Variants in ERICH3 observed in about 807,000 individuals in gnomAD.
ERICH3 encodes glutamate rich 3, also known as glutamate-rich protein 3.
ERICH3 carries 126 observed loss-of-function variants against 131.1 expected under a neutral mutation model. The ratio of observed to expected loss-of-function variants is 0.96; its 90% CI spans 0.83 to 1.11. The LOEUF (loss-of-function observed/expected upper bound fraction) is 1.11, where lower values mean the gene tolerates loss of function less well. ERICH3 is among the 50% of genes most tolerant of loss of function. ERICH3 has a pLI of 0.00. For synonymous variants in ERICH3, 695 were observed against 644.6 expected, an observed-to-expected ratio of 1.08 and a Z score of -1.18; for missense variants, 2,050 against 1,810.7, an observed-to-expected ratio of 1.13 and a Z score of -2.40.
At chr1:74,573,591 T>G in intron 13 of ERICH3, 100 bp from the exon 14 acceptor site, 2 of 1,279,718 alleles carry the variant, frequency 1.6e-6, no homozygotes, top group Non-Finnish European at 2.0e-6. Flanking sequence ...TGTGAGATAT[T>G]TATATGTGAT....
At chr1:74,585,651 A>G (rs537707306) in intron 12 of ERICH3, among the ~76,000 whole-genome samples, 2 of 152,262 alleles carry the variant, frequency 1.3e-5, no homozygotes, top group East Asian at 1.9e-4. Context: ...TTCTAACTGA[A>G]AAATAATTAA....
chr1:74,616,106 A>G (rs1319205938), intron 8 of ERICH3, among the ~76,000 whole-genome samples: 1 of 152,054 alleles, frequency 6.6e-6, no homozygotes, highest in Non-Finnish European at 1.5e-5. Flanking sequence ...GGTTCAAGCT[A>G]TTCTCGTGCC....
intron 6 of ERICH3, among the ~76,000 whole-genome samples, chr1:74,632,828 A>C (rs913978333): frequency 6.6e-6 from 1 of 151,986 alleles, no homozygotes; most frequent in Non-Finnish European, 1.5e-5. Flanking sequence ...GGCTACCTTT[A>C]GGGATATACC....
At chr1:74,616,860 G>C (rs1034680716) in intron 8 of ERICH3, among the ~76,000 whole-genome samples, 1 of 152,138 alleles carries the variant, frequency 6.6e-6, no homozygotes, top group Admixed American at 6.5e-5. Context: ...GCCAAGGAAG[G>C]CCAGTTGACA....
intron 12 of ERICH3, among the ~76,000 whole-genome samples, chr1:74,578,930 G>T (rs1040499469): frequency 6.6e-6 from 1 of 151,960 alleles, no homozygotes; most frequent in African/African-American, 2.4e-5. Flanking sequence ...ACGACAAACA[G>T]AAATGAAAAA....
intron 1 of ERICH3, among the ~76,000 whole-genome samples, chr1:74,665,401 AT>A: frequency 6.6e-6 from 1 of 151,746 alleles, no homozygotes; most frequent in South Asian, 2.1e-4. Context: ...TATGTTATCA[AT>A]CAATCAATCA....
At position 74,634,273 on chromosome 1, in the gene ERICH3, C is replaced by T. The variant is rs1405411804; in HGVS notation, c.603+2007G>A. Reference sequence around the variant, plus strand: ...TTACACTATAAGCTCCAATAAGTTACTTTTGTCTGTCTTGATGCCTAAAGC... The same window carrying T: ...TTACACTATAAGCTCCAATAAGTTATTTTTGTCTGTCTTGATGCCTAAAGC... On this transcript the variant is annotated intron_variant, in intron 6 of 14. Transcript: ENST00000326665. Among the ~76,000 whole-genome samples the T allele has an allele frequency of 2.0e-5, 3 of 152,052 alleles. No individual in the cohort carries two copies. The South Asian group carries it at 6.2e-4, about 31-fold the overall frequency.
intron 9 of ERICH3, among the ~76,000 whole-genome samples, chr1:74,610,895 C>T (rs756941884): frequency 7.9e-5 from 12 of 151,998 alleles, no homozygotes; most frequent in African/African-American, 2.2e-4. Flanking sequence ...CTTAATCATG[C>T]CCTTATTCCT....
intron 11 of ERICH3, among the ~76,000 whole-genome samples, chr1:74,594,273 CGTGTGTGT>C (rs10655150): frequency 1.7e-4 from 24 of 144,786 alleles, no homozygotes; most frequent in African/African-American, 4.3e-4. Flanking sequence ...AAAAATGGGG[CGTGTGTGT>C]GTGTGTGTGT....
chr1:74,614,690 A>C (rs545691611), intron 8 of ERICH3, among the ~76,000 whole-genome samples: 12 of 152,024 alleles, frequency 7.9e-5, no homozygotes, highest in African/African-American at 2.9e-4. Flanking sequence ...AAAAAAAAAA[A>C]AACTCTACAC....
intron 4 of ERICH3, among the ~76,000 whole-genome samples, chr1:74,642,156 C>T (rs1376263817): frequency 1.3e-5 from 2 of 152,156 alleles, no homozygotes; most frequent in Non-Finnish European, 2.9e-5. Context: ...AATCTCTACA[C>T]ACCAACTCTT....
chr1:74,592,574 T>C lies in ERICH3; in HGVS notation c.1727-2494A>G, dbSNP rs573783814. On this transcript the variant is annotated intron_variant, in intron 11 of 14. Transcript: ENST00000326665. ...CTTTTAGCTCTGAGAGTTGGTCATA[T>C]AATTTTTAAAAATGAGTGCTCCTCT... is the stretch of plus-strand genomic sequence containing the variant. 2.4e-4 allele frequency among the ~76,000 whole-genome samples: 37 copies of C among 152,310 alleles called. 1 individual carries two copies. In the South Asian group the frequency reaches 7.2e-3, roughly 30 times the overall value.
intron 9 of ERICH3, among the ~76,000 whole-genome samples, chr1:74,608,258 T>C (rs1218100725): frequency 1.3e-5 from 2 of 152,016 alleles, no homozygotes; most frequent in Non-Finnish European, 2.9e-5. Context: ...GAGAAGTTTC[T>C]GGCAAGACCT....
chr1:74,596,849 G>A (rs995995924), intron 11 of ERICH3, among the ~76,000 whole-genome samples: 1 of 151,972 alleles, frequency 6.6e-6, no homozygotes, highest in African/African-American at 2.4e-5. Flanking sequence ...CTTGCAGCCA[G>A]TAGCACTCTA....
chr1:74,666,959 CCCTT>C (rs201720526), intron 1 of ERICH3, among the ~76,000 whole-genome samples: 2 of 152,118 alleles, frequency 1.3e-5, no homozygotes, highest in East Asian at 3.8e-4. Flanking sequence ...AAATAATTCT[CCCTT>C]GAGTATGTAG....
chr1:74,580,246 G>C (rs1647153819), intron 12 of ERICH3, among the ~76,000 whole-genome samples: 1 of 152,084 alleles, frequency 6.6e-6, no homozygotes, highest in South Asian at 2.1e-4. Context: ...GCAATATATT[G>C]TGACTATTTT....
chr1:74,614,817 C>T (rs1648887385), intron 8 of ERICH3, among the ~76,000 whole-genome samples: 1 of 152,094 alleles, frequency 6.6e-6, no homozygotes, highest in Non-Finnish European at 1.5e-5. Flanking sequence ...AGGTTAGAGT[C>T]TGGGAAAACT....
intron 6 of ERICH3, among the ~76,000 whole-genome samples, chr1:74,634,023 A>G (rs1421534851): frequency 6.6e-6 from 1 of 152,018 alleles, no homozygotes; most frequent in Non-Finnish European, 1.5e-5. Context: ...AGTTCAACCT[A>G]CTTCTATCTG....
At chr1:74,579,520 T>G (rs1360682054) in intron 12 of ERICH3, 15 of 985,292 alleles carry the variant, frequency 1.5e-5, no homozygotes, top group Non-Finnish European at 1.8e-5. Context: ...AGAGCCTGTA[T>G]AGTTAGGTGT....
Sources: gnomAD v4.1 joint callset for allele counts (sites outside exome capture counted in the v4.1 genomes callset) on GRCh38, gnomAD v4.1.1 for gene constraint, MANE v1.5 for transcripts, NCBI Gene and HGNC (gene_info 2026-07-23, HGNC 2026-07-21) for gene names.